Variants in KCNMA1 observed in about 807,000 individuals in gnomAD.
The protein encoded by KCNMA1 is potassium calcium-activated channel subfamily M alpha 1, also known as Calcium-activated potassium channel subunit alpha-1.
Under a neutral mutation model 140.0 loss-of-function variants are expected in KCNMA1, and 29 were observed. That is an observed-to-expected ratio of 0.21 (90% CI 0.15 to 0.28). The LOEUF is 0.28. KCNMA1 is among the 10% of genes least tolerant of loss of function. KCNMA1 has a pLI of 1.00. For missense variants in KCNMA1, 880 were observed against 1,602.2 expected, an observed-to-expected ratio of 0.55 and a Z score of 7.70; for synonymous variants, 612 against 611.9, an observed-to-expected ratio of 1.00 and a Z score of 0.00.
Position 77,113,617 on chromosome 10 carries a change from C to T in KCNMA1, c.885-1175G>A, listed in dbSNP as rs56340145. Among the ~76,000 whole-genome samples the T allele has an allele frequency of 5.0e-3, 763 of 152,224 alleles. 4 individuals carry two copies. Among genetic ancestry groups the T allele is most frequent in the African/African-American group, 0.017 (720 of 41,524 alleles). On this transcript the variant is annotated intron_variant, in intron 6 of 27. Transcript: ENST00000286628. ...TAGCTGGGATTACAGGCACCCGCCA[C>T]CACGCCCAGCTAATTTTTGTATTTT...
chr10:77,486,472 T>C (rs2098461958), intron 1 of KCNMA1, among the ~76,000 whole-genome samples: 1 of 152,212 alleles, frequency 6.6e-6, no homozygotes, highest in Admixed American at 6.5e-5. Flanking sequence ...TTCAATGAAG[T>C]AATGCACACA....
intron 12 of KCNMA1, among the ~76,000 whole-genome samples, chr10:77,081,744 G>A (rs901113388): frequency 1.3e-5 from 2 of 152,166 alleles, no homozygotes; most frequent in Admixed American, 6.5e-5. Context: ...TTGAGCCTCT[G>A]TCAGCCCTGC....
intron 20 of KCNMA1, among the ~76,000 whole-genome samples, chr10:76,961,885 T>A (rs750506404): frequency 6.6e-6 from 1 of 152,212 alleles, no homozygotes; most frequent in East Asian, 1.9e-4. Context: ...AAAAAAAATG[T>A]GTGTTACTTG....
chr10:77,566,216 C>A (rs2068249330), intron 1 of KCNMA1, among the ~76,000 whole-genome samples: 1 of 152,174 alleles, frequency 6.6e-6, no homozygotes, highest in Non-Finnish European at 1.5e-5. Context: ...CAGAAAGCTG[C>A]AGCCCTCTGG....
At chr10:77,152,278 T>TTGTG (rs72088425) in intron 5 of KCNMA1, among the ~76,000 whole-genome samples, 103 of 99,180 alleles carry the variant, frequency 1.0e-3, no homozygotes, top group East Asian at 4.0e-3. Context: ...TTTTTTGCTT[T>TTGTG]TGTGTGTGTG....
At chr10:77,555,461 C>G (rs1299263300) in intron 1 of KCNMA1, among the ~76,000 whole-genome samples, 1 of 152,094 alleles carries the variant, frequency 6.6e-6, no homozygotes. Context: ...TCTCTTCTAA[C>G]AGGGAAAAAA....
intron 23 of KCNMA1, among the ~76,000 whole-genome samples, chr10:76,941,028 A>AGAAG: frequency 1.5e-5 from 1 of 65,116 alleles, no homozygotes; most frequent in Non-Finnish European, 3.2e-5. Context: ...GAAGAAAGAA[A>AGAAG]GAAAGAAAGA....
chr10:77,184,090 A>ACACAC (rs1565063139), intron 4 of KCNMA1, among the ~76,000 whole-genome samples: 2 of 151,836 alleles, frequency 1.3e-5, no homozygotes, highest in African/African-American at 4.8e-5. Flanking sequence ...ACACACACAC[A>ACACAC]AAATTCCATC....
chr10:77,281,956 G>A (rs949457524), intron 2 of KCNMA1, among the ~76,000 whole-genome samples: 4 of 152,128 alleles, frequency 2.6e-5, no homozygotes, highest in Admixed American at 2.0e-4. Flanking sequence ...ATGTGTCTGG[G>A]TGTTACGATA....
Position 77,620,251 on chromosome 10 carries a change from T to TGGGCCTGGCCGCC in KCNMA1, c.378+17001_378+17013dup, listed in dbSNP as rs953048871. ...ACCACAGCCTGCCAGCCTCAGAGGCTGGGCCTGGCCGCCGGGCCTGGCCGC... is the reference window on the plus strand; with the variant it reads ...ACCACAGCCTGCCAGCCTCAGAGGCTGGGCCTGGCCGCCGGGCCTGGCCGCCGGGCCTGGCCGC... On this transcript the variant is annotated intron_variant, in intron 1 of 27. Transcript: ENST00000286628. Among the ~76,000 whole-genome samples the TGGGCCTGGCCGCC allele has an allele frequency of 8.3e-4, 127 of 152,176 alleles. 1 individual carries two copies. The highest frequency in any genetic ancestry group is 6.2e-3 in the East Asian group (32 of 5,132).
At chr10:77,013,005 T>C (rs1333491197) in intron 17 of KCNMA1, among the ~76,000 whole-genome samples, 1 of 152,182 alleles carries the variant, frequency 6.6e-6, no homozygotes, top group African/African-American at 2.4e-5. Context: ...TACAACCTTC[T>C]GGATCCAAGA....
At chr10:76,920,520 C>T (rs2055293316) in intron 23 of KCNMA1, among the ~76,000 whole-genome samples, 1 of 152,136 alleles carries the variant, frequency 6.6e-6, no homozygotes, top group Non-Finnish European at 1.5e-5. Flanking sequence ...AGCCACCACG[C>T]CATATTGCTT....
chr10:77,497,012 G>A (rs539907529), intron 1 of KCNMA1, among the ~76,000 whole-genome samples: 1 of 152,208 alleles, frequency 6.6e-6, no homozygotes, highest in South Asian at 2.1e-4. Flanking sequence ...CAAACAAAAG[G>A]ACCCAGGCGA....
chr10:76,924,187 C>A (rs113169393), intron 23 of KCNMA1, among the ~76,000 whole-genome samples: 5 of 152,134 alleles, frequency 3.3e-5, no homozygotes, highest in Non-Finnish European at 7.3e-5. Flanking sequence ...CAACATTCCA[C>A]TGAAAACAAC....
At chr10:77,096,808 T>C (rs72805528) in intron 9 of KCNMA1, among the ~76,000 whole-genome samples, 10,717 of 152,278 alleles carry the variant, frequency 0.07, 478 homozygotes, top group East Asian at 0.19. Flanking sequence ...ATAATATTTA[T>C]ATCAAATACA....
chr10:76,975,517 G>C (rs949338042), intron 19 of KCNMA1: 2 of 152,252 alleles, frequency 1.3e-5, no homozygotes, highest in Non-Finnish European at 1.5e-5. Context: ...CTGTAAAGGA[G>C]CACTTGACTG....
chr10:77,414,294 G>T (rs926607381), intron 1 of KCNMA1, among the ~76,000 whole-genome samples: 2 of 152,034 alleles, frequency 1.3e-5, no homozygotes, highest in African/African-American at 4.8e-5. Flanking sequence ...GGGAAATGCT[G>T]CAGGACAGAT....
intron 1 of KCNMA1, among the ~76,000 whole-genome samples, chr10:77,409,942 A>T (rs2096581733): frequency 6.6e-6 from 1 of 152,004 alleles, no homozygotes; most frequent in Non-Finnish European, 1.5e-5. Flanking sequence ...ACCCTGCCTG[A>T]TTCTTGCAGG....
intron 5 of KCNMA1, among the ~76,000 whole-genome samples, chr10:77,170,279 T>C (rs996904169): frequency 1.3e-5 from 2 of 152,238 alleles, no homozygotes; most frequent in Non-Finnish European, 2.9e-5. Context: ...TGAGCAGGCT[T>C]GGGCCCAGGC....
Sources: gnomAD v4.1 joint callset for allele counts (sites outside exome capture counted in the v4.1 genomes callset) on GRCh38, gnomAD v4.1.1 for gene constraint, MANE v1.5 for transcripts, NCBI Gene and HGNC (gene_info 2026-07-23, HGNC 2026-07-21) for gene names.